The following HSP90AA1 variants were observed in gnomAD, a reference collection of about 807,000 sequenced individuals.
HSP90AA1 encodes the protein heat shock protein 90 alpha family class A member 1.
HSP90AA1 carries 18 observed loss-of-function variants against 73.3 expected under a neutral mutation model. The observed-to-expected ratio is 0.25, with a 90% CI of 0.17 to 0.36. The LOEUF is 0.36. Ranked by LOEUF, HSP90AA1 falls within the 10% of genes least tolerant of loss-of-function variation. The pLI is 1.00. For synonymous variants in HSP90AA1, 477 were observed against 296.9 expected (o/e 1.61, Z -6.24); for missense variants, 704 against 874.2 (o/e 0.81, Z 2.45).
chr14:102,106,235 G>A (rs74404106), intron 1 of HSP90AA1, among the ~76,000 whole-genome samples: 4,151 of 152,156 alleles, frequency 0.027, 192 homozygotes, highest in African/African-American at 0.094. Flanking sequence ...AATGGTTCTT[G>A]ACCACTAAAA....
At chr14:102,136,564 T>A (rs1356366533) in intron 1 of HSP90AA1, among the ~76,000 whole-genome samples, 1 of 43,502 alleles carries the variant, frequency 2.3e-5, no homozygotes, top group African/African-American at 7.0e-5. Flanking sequence ...GTGAGACTCG[T>A]CTCAAAAAAA....
intron 1 of HSP90AA1, among the ~76,000 whole-genome samples, chr14:102,108,912 A>G (rs1423792595): frequency 1.3e-5 from 2 of 152,210 alleles, no homozygotes; most frequent in African/African-American, 4.8e-5. Context: ...GATAGTGGTC[A>G]TTCTCTTCCT....
intron 1 of HSP90AA1, among the ~76,000 whole-genome samples, chr14:102,131,385 C>A (rs1188112874): frequency 6.6e-6 from 1 of 152,166 alleles, no homozygotes; most frequent in Non-Finnish European, 1.5e-5. Flanking sequence ...TGCTACCTAC[C>A]TCTGGCACCT....
chr14:102,088,640 C>T (rs1316534727), upstream of HSP90AA1, among the ~76,000 whole-genome samples: 1 of 152,166 alleles, frequency 6.6e-6, no homozygotes, highest in African/African-American at 2.4e-5. Flanking sequence ...GGCGCGCCCC[C>T]GGCCCAGGCT....
chr14:102,095,348 A>AG (rs1011036614), intron 2 of HSP90AA1, among the ~76,000 whole-genome samples: 10 of 151,948 alleles, frequency 6.6e-5, no homozygotes, highest in African/African-American at 2.2e-4. Context: ...CCTGTGGGAG[A>AG]GGGGTGGCGG....
chr14:102,096,641 G>A (rs565071687), intron 2 of HSP90AA1, among the ~76,000 whole-genome samples: 3 of 152,236 alleles, frequency 2.0e-5, no homozygotes, highest in East Asian at 3.9e-4. Context: ...TGTCTTTCTC[G>A]TCTCAAGACG....
At chr14:102,103,969 A>G (rs2049530474) in intron 1 of HSP90AA1, among the ~76,000 whole-genome samples, 1 of 151,010 alleles carries the variant, frequency 6.6e-6, no homozygotes, top group Non-Finnish European at 1.5e-5. Context: ...GGATTACAGG[A>G]GGCGGAGGTT....
intron 8 of HSP90AA1, 114 bp from the exon 9 acceptor site, chr14:102,083,416 C>A (rs1323377880): frequency 6.3e-6 from 9 of 1,428,766 alleles, no homozygotes; most frequent in Middle Eastern, 1.7e-4. Flanking sequence ...AGAAAATGAC[C>A]TAGTTCATGT....
intron 2 of HSP90AA1, among the ~76,000 whole-genome samples, chr14:102,095,790 C>T (rs544759968): frequency 2.6e-5 from 4 of 152,314 alleles, no homozygotes; most frequent in African/African-American, 4.8e-5. Context: ...TCTCTCTGTG[C>T]TTAGGGTCCT....
chr14:102,138,839 A>T (rs1879062059), intron 1 of HSP90AA1, among the ~76,000 whole-genome samples: 1 of 152,146 alleles, frequency 6.6e-6, no homozygotes, highest in African/African-American at 2.4e-5. Flanking sequence ...TGATTGTTGA[A>T]TCTTACTTTG....
chr14:102,139,728 A>C (rs1375877678), upstream of HSP90AA1: 3 of 817,684 alleles, frequency 3.7e-6, no homozygotes, highest in Non-Finnish European at 5.6e-6. Context: ...GGAGCACGCC[A>C]GGTGAGCACG....
chr14:102,117,362 A>T (rs1010241559), intron 1 of HSP90AA1, among the ~76,000 whole-genome samples: 1 of 151,058 alleles, frequency 6.6e-6, no homozygotes, highest in African/African-American at 2.4e-5. Flanking sequence ...TTCCAGGCCC[A>T]CTTATGGCCA....
chr14:102,112,723 C>G (rs1298252806), intron 1 of HSP90AA1, among the ~76,000 whole-genome samples: 1 of 150,246 alleles, frequency 6.7e-6, no homozygotes, highest in African/African-American at 2.5e-5. Flanking sequence ...TCAAGGCATC[C>G]TCCTGGCTTT....
chr14:102,113,799 C>T (rs528967815), intron 1 of HSP90AA1, among the ~76,000 whole-genome samples: 1 of 152,318 alleles, frequency 6.6e-6, no homozygotes, highest in Non-Finnish European at 1.5e-5. Context: ...CAAGCTCTGG[C>T]TCCCAGGTTC....
chr14:102,094,138 T>A (rs1328077152), intron 2 of HSP90AA1, among the ~76,000 whole-genome samples: 1 of 152,124 alleles, frequency 6.6e-6, no homozygotes, highest in African/African-American at 2.4e-5. Context: ...TTTCAACCCA[T>A]CCTTCAAAGG....
At position 102,083,262 on chromosome 14, in the gene HSP90AA1, T is replaced by C; in HGVS notation, c.1527A>G (p.Glu509=). The change falls in exon 9 of 11, where the codon GAA becomes GAG. Residue 509 remains glutamate, a synonymous_variant. Coordinates refer to ENST00000216281, the MANE Select transcript of HSP90AA1 (RefSeq NM_005348.4). ...KDQVANSAFV[E]RLRKHGLEVI... ...CTTCTAAGCCATGTTTCCGAAGACGTTCCACAAAGGCTGAGTTAGCTACCT... is the reference window on the plus strand; with the variant it reads ...CTTCTAAGCCATGTTTCCGAAGACGCTCCACAAAGGCTGAGTTAGCTACCT... 6.2e-7 allele frequency: 1 copy of C among 1,614,174 alleles called. No individual in the cohort carries two copies.
At chr14:102,093,822 G>A (rs1211764024) in intron 2 of HSP90AA1, among the ~76,000 whole-genome samples, 1 of 151,712 alleles carries the variant, frequency 6.6e-6, no homozygotes, top group African/African-American at 2.4e-5. Context: ...AAAATACAAA[G>A]AATTAGCCAG....
chr14:102,083,220 C>T lies in HSP90AA1; in HGVS notation c.1569G>A (p.Glu523=). The change falls in exon 9 of 11, where the codon GAG becomes GAA. Residue 523 remains glutamate (E), a synonymous_variant. Transcript: ENST00000216281. ...GTTGGACACAGTACTCATCAATGGG[C>T]TCAATCATATAGATCACTTCTAAGC... ...KHGLEVIYMI[E]PIDEYCVQQL... is the part of the protein sequence containing the mutation. 6.2e-7 allele frequency: 1 copy of T among 1,614,124 alleles called. No individual in the cohort carries two copies. The highest frequency in any genetic ancestry group is 2.2e-5 in the East Asian group (1 of 44,878).
chr14:102,131,726 A>G (rs2049908957), intron 1 of HSP90AA1, among the ~76,000 whole-genome samples: 1 of 152,150 alleles, frequency 6.6e-6, no homozygotes, highest in South Asian at 2.1e-4. Context: ...TGAAACTGCA[A>G]ATTACCTGAC....
Sources: gnomAD v4.1 joint callset for allele counts (sites outside exome capture counted in the v4.1 genomes callset) on GRCh38, gnomAD v4.1.1 for gene constraint, MANE v1.5 for transcripts, NCBI Gene and HGNC (gene_info 2026-07-23, HGNC 2026-07-21) for gene names.